The following ASTN2 variants were observed in gnomAD, a reference collection of about 807,000 sequenced individuals.
The protein encoded by ASTN2 is astrotactin 2.
A neutral mutation model predicts 139.8 loss-of-function variants in ASTN2; 54 were observed. That is an observed-to-expected ratio of 0.39 (90% CI 0.31 to 0.48). The LOEUF is 0.48. Ranked by LOEUF, ASTN2 falls within the 20% of genes least tolerant of loss-of-function variation. The pLI, the probability that ASTN2 is intolerant of heterozygous loss-of-function variation, is 0.95. For synonymous variants in ASTN2, 756 were observed against 719.5 expected (o/e 1.05, Z -0.81); for missense variants, 1,565 against 1,725.1 (o/e 0.91, Z 1.64).
chr9:116,781,003 C>A (rs1290970450), intron 13 of ASTN2, among the ~76,000 whole-genome samples: 1 of 152,088 alleles, frequency 6.6e-6, no homozygotes, highest in African/African-American at 2.4e-5. Context: ...CCCCGCCTGG[C>A]TAATTTTTGT....
chr9:116,988,227 T>G (rs949640951), intron 7 of ASTN2, among the ~76,000 whole-genome samples: 7 of 152,146 alleles, frequency 4.6e-5, no homozygotes, highest in Non-Finnish European at 7.4e-5. Flanking sequence ...AGATATGCAT[T>G]TGCCAATCAA....
At chr9:116,883,829 G>C (rs1338202384) in intron 10 of ASTN2, among the ~76,000 whole-genome samples, 1 of 152,198 alleles carries the variant, frequency 6.6e-6, no homozygotes, top group East Asian at 1.9e-4. Context: ...CCATCTACAA[G>C]CCATTATGCA....
At chr9:117,117,789 G>A (rs1386385894) in intron 4 of ASTN2, among the ~76,000 whole-genome samples, 1 of 151,986 alleles carries the variant, frequency 6.6e-6, no homozygotes, top group East Asian at 1.9e-4. Context: ...GCTCTTCTAC[G>A]TTTCTATCCC....
rs116098823 is a variant in ASTN2 at position 117,158,772 on chromosome 9, A to G, written c.1016-17294T>C. Among the ~76,000 whole-genome samples the G allele has an allele frequency of 4.1e-3, 631 of 152,120 alleles. 3 individuals carry two copies. Among genetic ancestry groups the G allele is most frequent in the African/African-American group, 0.014 (590 of 41,540 alleles). ...CTTGAAACTTTGGTAAACAAAATTT[A>G]TGCAAATATTTACACTGTCCTATTA... On this transcript the variant is annotated intron_variant, in intron 3 of 22. Coordinates refer to ENST00000313400, the MANE Select transcript of ASTN2 (RefSeq NM_001365068.1).
chr9:116,720,671 A>G (rs1404863552), intron 16 of ASTN2, among the ~76,000 whole-genome samples: 1 of 151,936 alleles, frequency 6.6e-6, no homozygotes, highest in Non-Finnish European at 1.5e-5. Flanking sequence ...TCACATACAC[A>G]CATCTGTCAC....
intron 22 of ASTN2, among the ~76,000 whole-genome samples, chr9:116,439,152 T>A (rs1043357548): frequency 6.6e-6 from 1 of 151,474 alleles, no homozygotes; most frequent in Non-Finnish European, 1.5e-5. Flanking sequence ...ATGATGTTGG[T>A]TTTCCCTTTA....
intron 16 of ASTN2, among the ~76,000 whole-genome samples, chr9:116,713,517 C>T (rs530462428): frequency 6.6e-6 from 1 of 152,278 alleles, no homozygotes; most frequent in South Asian, 2.1e-4. Context: ...ATCATGCAGG[C>T]TTACATCCTG....
At position 116,697,891 on chromosome 9, in the gene ASTN2, A is replaced by C; in HGVS notation, c.2806+27880T>G. ...ACCATCTGCCGCCAGTGCCTGGAGA[A>C]GCTATTGGCCAGTAGCATCAATGGT... On this transcript the variant is annotated intron_variant, in intron 16 of 22. Coordinates refer to ENST00000313400, the MANE Select transcript of ASTN2 (RefSeq NM_001365068.1). 1.2e-5 allele frequency: 19 copies of C among 1,614,192 alleles called. No individual in the cohort carries two copies. Among genetic ancestry groups the C allele is most frequent in the Non-Finnish European group, 1.6e-5 (19 of 1,180,034 alleles).
At chr9:117,257,820 C>T (rs1171661147) in intron 2 of ASTN2, among the ~76,000 whole-genome samples, 3 of 152,276 alleles carry the variant, frequency 2.0e-5, no homozygotes, top group East Asian at 1.9e-4. Flanking sequence ...CAAAGGAAAT[C>T]GGAGAAAAGA....
At chr9:116,789,918 C>T (rs1401254581) in intron 13 of ASTN2, among the ~76,000 whole-genome samples, 15 of 126,750 alleles carry the variant, frequency 1.2e-4, no homozygotes, top group African/African-American at 4.5e-4. Flanking sequence ...TTTTCTCTTT[C>T]TCTTTTTTTT....
At chr9:116,653,640 T>C (rs1230457577) in intron 16 of ASTN2, among the ~76,000 whole-genome samples, 4 of 152,208 alleles carry the variant, frequency 2.6e-5, no homozygotes, top group Admixed American at 2.6e-4. Context: ...TCAGTGGAAA[T>C]AGGGGCCCTG....
At chr9:117,133,729 A>T (rs1829877836) in intron 4 of ASTN2, among the ~76,000 whole-genome samples, 1 of 152,160 alleles carries the variant, frequency 6.6e-6, no homozygotes, top group South Asian at 2.1e-4. Flanking sequence ...CAAAGTTTGG[A>T]GGAGGTATGC....
intron 10 of ASTN2, among the ~76,000 whole-genome samples, chr9:116,971,694 T>C (rs1928985): frequency 0.89 from 134,725 of 152,212 alleles, 61,808 homozygotes; most frequent in Non-Finnish European, 1. Flanking sequence ...AGCGAAAACA[T>C]GAGAAAATAA....
intron 13 of ASTN2, among the ~76,000 whole-genome samples, chr9:116,773,013 C>T (rs1310737737): frequency 6.6e-6 from 1 of 151,406 alleles, no homozygotes; most frequent in Non-Finnish European, 1.5e-5. Context: ...GAATGGAAAG[C>T]GAAGAAACTG....
chr9:116,974,764 C>T (rs1237573712), intron 10 of ASTN2, among the ~76,000 whole-genome samples: 1 of 152,104 alleles, frequency 6.6e-6, no homozygotes, highest in African/African-American at 2.4e-5. Flanking sequence ...CTGCCTTGGC[C>T]TCCCAAAGTG....
At chr9:116,489,125 A>G (rs964736943) in intron 19 of ASTN2, among the ~76,000 whole-genome samples, 2 of 152,120 alleles carry the variant, frequency 1.3e-5, no homozygotes, top group African/African-American at 4.8e-5. Flanking sequence ...GCTCCATTAC[A>G]TCCTCTCTAC....
chr9:116,908,539 T>A (rs150524694), intron 10 of ASTN2, among the ~76,000 whole-genome samples: 4 of 152,196 alleles, frequency 2.6e-5, no homozygotes, highest in African/African-American at 9.6e-5. Flanking sequence ...AAGCTTTCTG[T>A]TTTTATTCTG....
At chr9:117,113,497 T>G (rs10117070) in intron 4 of ASTN2, among the ~76,000 whole-genome samples, 1 of 151,778 alleles carries the variant, frequency 6.6e-6, no homozygotes, top group African/African-American at 2.4e-5. Context: ...CTCCACTAAA[T>G]ATACAAAAAT....
At chr9:116,678,826 T>C (rs1306756210) in intron 16 of ASTN2, among the ~76,000 whole-genome samples, 1 of 152,210 alleles carries the variant, frequency 6.6e-6, no homozygotes, top group Non-Finnish European at 1.5e-5. Flanking sequence ...TAAAGAGTTC[T>C]AAACAGTTTA....
Sources: allele counts gnomAD v4.1 joint callset (sites outside exome capture counted in the v4.1 genomes callset), GRCh38; gene constraint gnomAD v4.1.1; transcripts MANE v1.5; gene names NCBI Gene and HGNC (gene_info 2026-07-23, HGNC 2026-07-21).